VEPH1: variants seen among roughly 807,000 people sequenced by gnomAD.
VEPH1 encodes ventricular zone-expressed PH domain-containing protein homolog 1.
VEPH1 carries 80 observed loss-of-function variants against 85.2 expected under a neutral mutation model. The observed-to-expected ratio is 0.94, with a 90% CI of 0.78 to 1.13. The LOEUF (loss-of-function observed/expected upper bound fraction) is 1.13, where lower values mean the gene tolerates loss of function less well. Ranked by LOEUF, VEPH1 falls within the 50% of genes most tolerant of loss-of-function variation. VEPH1 has a pLI of 0.00. For missense variants in VEPH1, 955 were observed against 980.5 expected (o/e 0.97, Z 0.35); for synonymous variants, 297 against 348.0 (o/e 0.85, Z 1.63).
intron 9 of VEPH1, among the ~76,000 whole-genome samples, chr3:157,333,672 A>T (rs1230909926): frequency 6.6e-6 from 1 of 152,216 alleles, no homozygotes. Flanking sequence ...GCACAGATTT[A>T]TCAAAAGTTG....
intron 11 of VEPH1, among the ~76,000 whole-genome samples, chr3:157,299,507 A>G (rs906544777): frequency 8.7e-5 from 13 of 149,922 alleles, no homozygotes; most frequent in African/African-American, 3.0e-4. Context: ...CTGCAGTGAG[A>G]CATCATTGTG....
At chr3:157,358,056 A>G (rs1725644624) in intron 9 of VEPH1, among the ~76,000 whole-genome samples, 1 of 152,146 alleles carries the variant, frequency 6.6e-6, no homozygotes, top group African/African-American at 2.4e-5. Flanking sequence ...AACTCATTAG[A>G]GCAGTTTGCA....
intron 5 of VEPH1, among the ~76,000 whole-genome samples, chr3:157,425,140 C>T (rs567969011): frequency 2.0e-5 from 3 of 152,202 alleles, no homozygotes; most frequent in East Asian, 1.9e-4. Flanking sequence ...CAGCTCGGGC[C>T]ATGACTTCAG....
At chr3:157,479,483 A>C (rs1737809453) in intron 2 of VEPH1, among the ~76,000 whole-genome samples, 1 of 152,200 alleles carries the variant, frequency 6.6e-6, no homozygotes, top group Non-Finnish European at 1.5e-5. Context: ...CTCTGAAAGC[A>C]GTCTTCAGGG....
At chr3:157,486,897 G>A (rs1369338357) in intron 2 of VEPH1, among the ~76,000 whole-genome samples, 1 of 151,944 alleles carries the variant, frequency 6.6e-6, no homozygotes, top group East Asian at 1.9e-4. Flanking sequence ...AAATTCTTGG[G>A]GAAATTAAAA....
At position 157,292,509 on chromosome 3, in the gene VEPH1, C is replaced by T. The variant is rs536456407; in HGVS notation, c.2011-5835G>A. Among the ~76,000 whole-genome samples, 9 of 151,836 alleles carry T rather than the reference C, an allele frequency of 5.9e-5. No individual in the cohort carries two copies. The South Asian group carries it at 6.3e-4, about 11-fold the overall frequency. Reference sequence around the variant, plus strand: ...GAGTTGGAGACCAGCCTGGCCAGCCCGGTGAAACCTCGTTTCTACTAAAAA... The same window carrying T: ...GAGTTGGAGACCAGCCTGGCCAGCCTGGTGAAACCTCGTTTCTACTAAAAA... On this transcript the variant is annotated intron_variant, in intron 11 of 13. Coordinates refer to ENST00000362010, the MANE Select transcript of VEPH1 (RefSeq NM_001167912.2).
chr3:157,481,467 A>ACACAC (rs60293047), intron 2 of VEPH1, among the ~76,000 whole-genome samples: 590 of 53,386 alleles, frequency 0.011, 3 homozygotes, highest in African/African-American at 0.032. Flanking sequence ...CACACACACA[A>ACACAC]AAAAAAAAAA....
intron 4 of VEPH1, chr3:157,437,798 C>A (rs1221528428): frequency 6.8e-7 from 1 of 1,461,814 alleles, no homozygotes; most frequent in South Asian, 1.4e-5. Context: ...GGCGCGGAGG[C>A]GCAGCGCCCA....
At chr3:157,316,209 A>T (rs1417185330) in intron 10 of VEPH1, 1 of 152,064 alleles carries the variant, frequency 6.6e-6, no homozygotes, top group Non-Finnish European at 1.5e-5. Flanking sequence ...TATAGGAGAT[A>T]TTATGGAAAT....
At chr3:157,430,312 T>C (rs1733042804) in intron 4 of VEPH1, among the ~76,000 whole-genome samples, 2 of 152,218 alleles carry the variant, frequency 1.3e-5, no homozygotes, top group Non-Finnish European at 2.9e-5. Flanking sequence ...AAATTTTATG[T>C]GAATACCATC....
At chr3:157,294,973 TC>T (rs1717947326) in intron 11 of VEPH1, among the ~76,000 whole-genome samples, 1 of 152,186 alleles carries the variant, frequency 6.6e-6, no homozygotes, top group Admixed American at 6.5e-5. Flanking sequence ...TTATTTACAT[TC>T]TAAAGGGTAA....
intron 9 of VEPH1, among the ~76,000 whole-genome samples, chr3:157,336,058 A>C (rs1360125721): frequency 1.3e-5 from 2 of 152,156 alleles, no homozygotes; most frequent in African/African-American, 4.8e-5. Context: ...CCTTCCTTAC[A>C]TGATAGCTCC....
chr3:157,299,040 C>T (rs576518669), intron 11 of VEPH1, among the ~76,000 whole-genome samples: 7 of 152,274 alleles, frequency 4.6e-5, no homozygotes, highest in Non-Finnish European at 7.4e-5. Context: ...CATGACTACT[C>T]GCATTTTAGT....
At position 157,489,318 on chromosome 3, in the gene VEPH1, A is replaced by G. The variant is rs1738993758; in HGVS notation, c.138+5894T>C. The G allele has an allele frequency of 7.9e-5, 31 of 391,370 alleles. 1 individual carries two copies. Among genetic ancestry groups the G allele is most frequent in the South Asian group, 5.5e-4 (29 of 52,992 alleles). The allele number at this position is 391,370 out of a possible 1,614,324, so 24.2% of individuals were successfully genotyped here. A position where few individuals can be genotyped will look rare whatever the true frequency, so the allele number is the denominator to read the frequency against. Reference sequence around the variant, plus strand: ...TTCACTACAGCCACACCGACCTCAGAAACTCCAGCCTACAACCTCAGGACT... The same window carrying G: ...TTCACTACAGCCACACCGACCTCAGGAACTCCAGCCTACAACCTCAGGACT... On this transcript the variant is annotated intron_variant, in intron 2 of 13. Coordinates refer to ENST00000362010, the MANE Select transcript of VEPH1 (RefSeq NM_001167912.2).
rs765764430 is a variant in VEPH1, at chr3:157,436,817, G to A, written c.530-8329C>T. The A allele has an allele frequency of 1.6e-5, 18 of 1,122,916 alleles. No homozygotes were observed. In the East Asian group the frequency reaches 5.9e-4, roughly 37 times the overall value. 69.6% of individuals were successfully genotyped at this position (1,122,916 alleles called of 1,614,324 possible). A position where few individuals can be genotyped will look rare whatever the true frequency, so the allele number is the denominator to read the frequency against. On this transcript the variant is annotated intron_variant, in intron 4 of 13. Coordinates refer to ENST00000362010, the MANE Select transcript of VEPH1 (RefSeq NM_001167912.2). ...TTCATCCCCATTCAGGCTTTCCTCA[G>A]CATTTATTAAGGACTCTCTGCTCCA... is the stretch of plus-strand genomic sequence containing the variant.
Position 157,259,941 on chromosome 3 carries a change from T to G in VEPH1, c.*1193A>C, listed in dbSNP as rs990392319. On this transcript the variant is annotated 3_prime_UTR_variant, in exon 14 of 14. Transcript: ENST00000362010. ...CACAAAACTTATTTCCTTGCAGCCG[T>G]AGAGCTCATGGCAGCTTGCTTATTT... 4.6e-5 allele frequency: 7 copies of G among 152,184 alleles called. No homozygotes were observed. Among genetic ancestry groups the G allele is most frequent in the African/African-American group, 1.7e-4 (7 of 41,448 alleles). 9.4% of individuals were successfully genotyped at this position (152,184 alleles called of 1,614,324 possible).
At chr3:157,423,595 C>G (rs1356683189) in intron 5 of VEPH1, among the ~76,000 whole-genome samples, 1 of 152,212 alleles carries the variant, frequency 6.6e-6, no homozygotes, top group Non-Finnish European at 1.5e-5. Flanking sequence ...ATGTCACACC[C>G]TTTGTGGGAC....
intron 9 of VEPH1, among the ~76,000 whole-genome samples, chr3:157,327,897 G>C (rs1320283427): frequency 1.3e-5 from 2 of 152,154 alleles, no homozygotes; most frequent in Non-Finnish European, 1.5e-5. Context: ...GGAACAAAGA[G>C]CCCTTCCTCT....
chr3:157,416,297 T>C (rs751119793), intron 5 of VEPH1, among the ~76,000 whole-genome samples: 22 of 152,198 alleles, frequency 1.4e-4, no homozygotes, highest in Admixed American at 1.4e-3. Flanking sequence ...GAAGAAAGTT[T>C]CTAGATAACT....
Sources: gnomAD v4.1 joint callset for allele counts (sites outside exome capture counted in the v4.1 genomes callset) on GRCh38, gnomAD v4.1.1 for gene constraint, MANE v1.5 for transcripts, NCBI Gene and HGNC (gene_info 2026-07-23, HGNC 2026-07-21) for gene names.